The following ZNF654 variants were observed in gnomAD, a reference collection of about 807,000 sequenced individuals.
ZNF654 encodes zinc finger protein 654.
ZNF654 carries 19 observed loss-of-function variants against 95.3 expected under a neutral mutation model. The observed-to-expected ratio is 0.20, with a 90% CI of 0.14 to 0.29. The LOEUF is 0.29. Among genes scored for constraint, ZNF654 ranks in the 10% least tolerant of loss-of-function variants. The pLI is 1.00. For missense variants in ZNF654, 1,046 were observed against 1,341.0 expected, an observed-to-expected ratio of 0.78 and a Z score of 3.44; for synonymous variants, 413 against 457.9, an observed-to-expected ratio of 0.90 and a Z score of 1.25.
chr3:88,081,384 G>A (rs1234477266), intron 1 of ZNF654, among the ~76,000 whole-genome samples: 1 of 152,076 alleles, frequency 6.6e-6, no homozygotes, highest in Non-Finnish European at 1.5e-5. Context: ...CCTTGAGACT[G>A]CAAATCCTGC....
At chr3:88,111,599 T>G (rs1183630767) in intron 2 of ZNF654, among the ~76,000 whole-genome samples, 1 of 152,046 alleles carries the variant, frequency 6.6e-6, no homozygotes, top group Admixed American at 6.6e-5. Context: ...TACCCTATGG[T>G]AGACATTCTG....
intron 2 of ZNF654, among the ~76,000 whole-genome samples, chr3:88,088,998 C>T (rs1312927111): frequency 1.3e-5 from 2 of 151,686 alleles, no homozygotes; most frequent in East Asian, 2.0e-4. Context: ...GTTTTGAACT[C>T]CTGACCTCAG....
chr3:88,129,930 T>C, intron 6 of ZNF654, 104 bp downstream of exon 6: 1 of 1,083,616 alleles, frequency 9.2e-7, no homozygotes, highest in Non-Finnish European at 1.2e-6. Context: ...GTCAAGCTAC[T>C]TTTAAAAAAA....
chr3:88,099,121 G>A (rs1402567929), intron 2 of ZNF654, among the ~76,000 whole-genome samples: 1 of 152,024 alleles, frequency 6.6e-6, no homozygotes, highest in Non-Finnish European at 1.5e-5. Flanking sequence ...TAAGCTGATA[G>A]GCAACTTCAG....
chr3:88,139,782 G>A lies in ZNF654; in HGVS notation c.2113G>A (p.Asp705Asn). 1 of 1,554,566 alleles carries A rather than the reference G, an allele frequency of 6.4e-7. No homozygotes were observed. Among genetic ancestry groups the A allele is most frequent in the Non-Finnish European group, 8.7e-7 (1 of 1,148,470 alleles). Residue 705 changes from aspartate to asparagine, a missense_variant, in exon 8 of 9, where the codon GAT (aspartate) becomes AAT (asparagine). Physicochemically the swap from Asp to Asn is conservative, Grantham distance 23. Coordinates refer to ENST00000636215, the MANE Select transcript of ZNF654 (RefSeq NM_001350134.2). Reference protein sequence around the residue: ...ECGDDYEEEEDEEGDYEEDDY... With the variant: ...ECGDDYEEEENEEGDYEEDDY... ...TGGGGATGATTATGAGGAGGAAGAG[G>A]ATGAAGAAGGTGATTATGAAGAAGA...
At chr3:88,083,578 C>T (rs1708189207) in intron 1 of ZNF654, among the ~76,000 whole-genome samples, 1 of 152,114 alleles carries the variant, frequency 6.6e-6, no homozygotes, top group African/African-American at 2.4e-5. Flanking sequence ...TAAATATTCA[C>T]TACAGTAATG....
intron 1 of ZNF654, among the ~76,000 whole-genome samples, chr3:88,076,901 C>T (rs1707834002): frequency 6.6e-6 from 1 of 152,116 alleles, no homozygotes; most frequent in Non-Finnish European, 1.5e-5. Context: ...CTCTGACCTG[C>T]CTCAAAGGTG....
intron 1 of ZNF654, among the ~76,000 whole-genome samples, chr3:88,063,351 A>T (rs765479742): frequency 5.9e-5 from 9 of 152,144 alleles, no homozygotes; most frequent in Non-Finnish European, 1.2e-4. Flanking sequence ...ATCCTCAAAT[A>T]GTTTTTAAGT....
At chr3:88,065,237 C>T (rs1707128249) in intron 1 of ZNF654, among the ~76,000 whole-genome samples, 1 of 152,088 alleles carries the variant, frequency 6.6e-6, no homozygotes, top group Admixed American at 6.5e-5. Flanking sequence ...ACAAATGAAC[C>T]TTAGATGTTG....
At chr3:88,137,249 C>T (rs1038404601) in intron 7 of ZNF654, among the ~76,000 whole-genome samples, 11 of 123,388 alleles carry the variant, frequency 8.9e-5, no homozygotes, top group African/African-American at 2.1e-4. Context: ...AGAAAGAAAA[C>T]GAATTCTGTT....
intron 1 of ZNF654, among the ~76,000 whole-genome samples, chr3:88,060,607 C>G (rs1426613805): frequency 6.6e-6 from 1 of 152,186 alleles, no homozygotes; most frequent in South Asian, 2.1e-4. Context: ...ACAAGTTACT[C>G]TGTGTCTCAG....
chr3:88,112,953 T>A (rs940155263), intron 2 of ZNF654, among the ~76,000 whole-genome samples, 162 bp from the exon 3 acceptor site: 2 of 152,128 alleles, frequency 1.3e-5, no homozygotes, highest in African/African-American at 4.8e-5. Context: ...TCTTTTAAAA[T>A]CTTACAGAAA....
intron 2 of ZNF654, among the ~76,000 whole-genome samples, chr3:88,096,493 GC>G (rs1183948379): frequency 6.6e-6 from 1 of 152,052 alleles, no homozygotes; most frequent in Non-Finnish European, 1.5e-5. Flanking sequence ...ACTCCCTTTA[GC>G]CAAAACTAAC....
chr3:88,093,305 T>G (rs1052418880), intron 2 of ZNF654, among the ~76,000 whole-genome samples: 5 of 152,176 alleles, frequency 3.3e-5, no homozygotes, highest in African/African-American at 9.6e-5. Flanking sequence ...GCAGAAAATA[T>G]AGACTTTATA....
At chr3:88,093,691 G>A (rs1703881723) in intron 2 of ZNF654, among the ~76,000 whole-genome samples, 1 of 152,162 alleles carries the variant, frequency 6.6e-6, no homozygotes, top group Non-Finnish European at 1.5e-5. Flanking sequence ...TTGCTAAATT[G>A]TACTGTATTT....
At chr3:88,086,127 C>A in intron 1 of ZNF654, 130 bp from the exon 2 acceptor site, 2 of 680,014 alleles carry the variant, frequency 2.9e-6, no homozygotes, top group Non-Finnish European at 2.4e-6. Flanking sequence ...TATAGAAGAT[C>A]CCTCCCTCCA....
rs1198454405 is a variant in ZNF654 at position 88,116,626 on chromosome 3, G to GTA, written c.414+3438_414+3439dup. Among the ~76,000 whole-genome samples, 4 of 151,156 alleles carry GTA rather than the reference G, an allele frequency of 2.6e-5. No individual in the cohort carries two copies. The South Asian group carries it at 6.3e-4, about 24-fold the overall frequency. On this transcript the variant is annotated intron_variant, in intron 3 of 8. Coordinates refer to ENST00000636215, the MANE Select transcript of ZNF654 (RefSeq NM_001350134.2). ...GTGTATATATGTTGTGTGTGTGTGT[G>GTA]TATATATATGTATATATATGGCTTT...
chr3:88,095,984 T>G (rs972533939), intron 2 of ZNF654: 4 of 254,068 alleles, frequency 1.6e-5, no homozygotes, highest in African/African-American at 9.4e-5. Context: ...TGCACTGTTC[T>G]ACCTGAAGGA....
chr3:88,102,391 A>G (rs770953650), intron 2 of ZNF654, among the ~76,000 whole-genome samples: 8 of 151,756 alleles, frequency 5.3e-5, no homozygotes, highest in Admixed American at 1.3e-4. Context: ...CTATTGCTGT[A>G]CCTTTATTTT....
Sources: allele counts gnomAD v4.1 joint callset (sites outside exome capture counted in the v4.1 genomes callset), GRCh38; gene constraint gnomAD v4.1.1; transcripts MANE v1.5; gene names NCBI Gene and HGNC (gene_info 2026-07-23, HGNC 2026-07-21).